Variants in HIVEP3 observed in about 807,000 individuals in gnomAD.
HIVEP3 encodes transcription factor HIVEP3.
In HIVEP3, 49 loss-of-function variants were observed where a neutral mutation model predicts 152.8. That is an observed-to-expected ratio of 0.32 (90% CI 0.26 to 0.41). HIVEP3 has a LOEUF of 0.41. HIVEP3 is among the 10% of genes least tolerant of loss of function. HIVEP3 has a pLI of 1.00. For synonymous variants in HIVEP3, 1,269 were observed against 1,289.0 expected (o/e 0.98, Z 0.33); for missense variants, 2,790 against 3,103.3 (o/e 0.90, Z 2.40).
chr1:41,513,025 A>G lies in HIVEP3; in HGVS notation c.6196T>C (p.Tyr2066His), dbSNP rs1185061625. 2 of 1,613,574 alleles carry G rather than the reference A, an allele frequency of 1.2e-6. No homozygotes were observed. The highest frequency in any genetic ancestry group is 1.7e-6 in the Non-Finnish European group (2 of 1,179,746). Reference protein sequence around the residue: ...EGTTDPGLPRYSPTRRWSPGQ... With the variant: ...EGTTDPGLPRHSPTRRWSPGQ... Reference sequence around the variant, plus strand: ...GGAGACCATCTCCTGGTGGGCGAGTATCTGGGGAGGCCTGGGTCGGTGGTA... The same window carrying G: ...GGAGACCATCTCCTGGTGGGCGAGTGTCTGGGGAGGCCTGGGTCGGTGGTA... Residue 2066 changes from tyrosine (Y) to histidine (H), a missense_variant, in exon 8 of 9, where the codon TAC becomes CAC. This residue lies in a region of HIVEP3 where 816 missense variants were observed against 806.5 expected (regional missense o/e 1.01). Transcript: ENST00000372583.
At chr1:41,875,499 G>A (rs1174028498) in intron 1 of HIVEP3, among the ~76,000 whole-genome samples, 1 of 152,238 alleles carries the variant, frequency 6.6e-6, no homozygotes, top group African/African-American at 2.4e-5. Flanking sequence ...ACCATGTCAT[G>A]CCCTGGCTTA....
Position 42,023,955 on chromosome 1 carries a change from G to A in HIVEP3, n.119+11852C>T, listed in dbSNP as rs143864018. ...ACCCTTTATCTGTAGTGTCTCCTTC[G>A]TAATAAATCCAGAGTCTGTAAATGT... On this transcript the variant is annotated intron_variant and non_coding_transcript_variant, in intron 1 of 3. Transcript: ENST00000489103. Among the ~76,000 whole-genome samples, 10 of 152,224 alleles carry A rather than the reference G, an allele frequency of 6.6e-5. No homozygotes were observed. In the East Asian group the frequency reaches 9.7e-4, roughly 15 times the overall value.
intron 1 of HIVEP3, among the ~76,000 whole-genome samples, chr1:41,808,564 C>A (rs1016909173): frequency 4.6e-5 from 7 of 152,214 alleles, no homozygotes; most frequent in Admixed American, 4.6e-4. Flanking sequence ...CTTTCTATTC[C>A]AGGCGGCCAG....
chr1:41,540,700 G>C (rs936118873), intron 5 of HIVEP3, among the ~76,000 whole-genome samples: 1 of 152,170 alleles, frequency 6.6e-6, no homozygotes, highest in Non-Finnish European at 1.5e-5. Flanking sequence ...CTGGGAGGTA[G>C]CTCAGCCAAA....
intron 3 of HIVEP3, among the ~76,000 whole-genome samples, chr1:41,596,977 C>G (rs949213147): frequency 6.6e-6 from 1 of 152,142 alleles, no homozygotes; most frequent in Non-Finnish European, 1.5e-5. Flanking sequence ...TTGTTAACTG[C>G]TTTTTCCCTC....
At chr1:41,940,328 A>C (rs1178635700) in intron 1 of HIVEP3, among the ~76,000 whole-genome samples, 2 of 152,240 alleles carry the variant, frequency 1.3e-5, no homozygotes, top group African/African-American at 2.4e-5. Flanking sequence ...TTAGTTAACC[A>C]AAAACCCCAA....
At chr1:41,598,825 A>ATTTATTTATTTATTTATTTAT (rs759358685) in intron 3 of HIVEP3, among the ~76,000 whole-genome samples, 3,384 of 151,400 alleles carry the variant, frequency 0.022, 67 homozygotes, top group South Asian at 0.041. Context: ...TTATTTATTT[A>ATTTATTTATTTATTTATTTAT]TTTATTTAGG....
chr1:42,017,433 A>G (rs868541266), intron 1 of HIVEP3, among the ~76,000 whole-genome samples: 4 of 152,022 alleles, frequency 2.6e-5, no homozygotes, highest in Non-Finnish European at 4.4e-5. Flanking sequence ...ACCAAATATG[A>G]CTCACACCCT....
intron 1 of HIVEP3, among the ~76,000 whole-genome samples, chr1:42,034,402 G>A (rs1645629462): frequency 6.6e-6 from 1 of 152,136 alleles, no homozygotes; most frequent in African/African-American, 2.4e-5. Flanking sequence ...CAAAACTACT[G>A]GTGTTGCAGA....
chr1:41,960,002 C>T (rs934645767), intron 1 of HIVEP3, among the ~76,000 whole-genome samples: 7 of 152,114 alleles, frequency 4.6e-5, no homozygotes, highest in South Asian at 2.1e-4. Flanking sequence ...ATACATATGA[C>T]GGGTGACCCA....
intron 1 of HIVEP3, among the ~76,000 whole-genome samples, chr1:41,910,539 A>C (rs1644779597): frequency 6.6e-6 from 1 of 152,010 alleles, no homozygotes; most frequent in Admixed American, 6.5e-5. Flanking sequence ...AAACCCTGCC[A>C]AGGATAAGAT....
In HIVEP3 at chr1:41,734,217, C is replaced by T. The variant is rs1049151901; in HGVS notation, c.-800-33222G>A. ...ACTGAGTGGATGGTGCCTTTGGCTT[C>T]AGAGCCCCCTGCATCTGAATTGAGT... On this transcript the variant is annotated intron_variant, in intron 1 of 8. Transcript: ENST00000372583. Among the ~76,000 whole-genome samples, 6 of 152,336 alleles carry T rather than the reference C, an allele frequency of 3.9e-5. No homozygotes were observed. In the South Asian group the frequency reaches 8.3e-4, roughly 21 times the overall value.
In HIVEP3 at chr1:41,510,178, ACCAT is replaced by A. The variant is rs1285690596; in HGVS notation, c.*269_*272del. On this transcript the variant is annotated 3_prime_UTR_variant, in exon 9 of 9. Coordinates refer to ENST00000372583, the MANE Select transcript of HIVEP3 (RefSeq NM_024503.5). The stretch of plus-strand genomic sequence containing the variant: ...GCTTCACCATCAGCCTTTCCCCAAA[ACCAT>A]AAACTATTCACAGCCTCAGACTCCT... 6.5e-6 allele frequency: 2 copies of A among 308,516 alleles called. No individual in the cohort carries two copies. Among genetic ancestry groups the A allele is most frequent in the Non-Finnish European group, 1.2e-5 (2 of 170,736 alleles). The allele number at this position is 308,516 out of a possible 1,614,324, so 19.1% of individuals were successfully genotyped here.
rs754123955 is a variant in HIVEP3, at chr1:41,512,970, G to A, written c.6251C>T (p.Ala2084Val). The A allele has an allele frequency of 2.5e-5, 41 of 1,611,984 alleles. No homozygotes were observed. Among genetic ancestry groups the A allele is most frequent in the Non-Finnish European group, 3.2e-5 (38 of 1,179,280 alleles). ...PGQAESPPRS[A>V]PPGKWALAGP... is the part of the protein sequence containing the mutation. ...AGCCAAGGCCCACTTCCCTGGCGGC[G>A]CTGACCGTGGTGGTGACTCGGCCTG... Residue 2084 changes from alanine to valine, a missense_variant, in exon 8 of 9, where the codon GCG (alanine) becomes GTG (valine). Physicochemically the swap from Ala to Val is moderately conservative, Grantham distance 64. Around this residue, in one of 9 missense-constraint regions of HIVEP3, gnomAD observed 816 missense variants for 806.5 expected, o/e 1.01. Coordinates refer to ENST00000372583, the MANE Select transcript of HIVEP3 (RefSeq NM_024503.5).
At chr1:41,779,972 A>T (rs1021574550) in intron 1 of HIVEP3, among the ~76,000 whole-genome samples, 3 of 152,156 alleles carry the variant, frequency 2.0e-5, no homozygotes, top group Admixed American at 6.6e-5. Flanking sequence ...CCACAAGGAG[A>T]TCATGATCTG....
chr1:41,751,110 C>T (rs140823705), intron 1 of HIVEP3, among the ~76,000 whole-genome samples: 2 of 152,226 alleles, frequency 1.3e-5, no homozygotes, highest in African/African-American at 4.8e-5. Context: ...ATGCAATGAC[C>T]GGCCAAGTCC....
At chr1:41,908,931 C>T (rs1038204232) in intron 1 of HIVEP3, among the ~76,000 whole-genome samples, 9 of 152,128 alleles carry the variant, frequency 5.9e-5, no homozygotes, top group Admixed American at 2.0e-4. Flanking sequence ...TCCAGGAACT[C>T]CAATGAATAC....
At chr1:41,893,165 C>T (rs975143266) in intron 1 of HIVEP3, among the ~76,000 whole-genome samples, 2 of 151,270 alleles carry the variant, frequency 1.3e-5, no homozygotes, top group Non-Finnish European at 2.9e-5. Context: ...AAACCCACAG[C>T]TGAGAAGCCT....
At chr1:41,954,093 G>A (rs989727828) in intron 1 of HIVEP3, among the ~76,000 whole-genome samples, 8 of 152,278 alleles carry the variant, frequency 5.3e-5, no homozygotes, top group Admixed American at 1.3e-4. Context: ...GGGCCCACCC[G>A]CAAGGTTCCA....
Sources: allele counts gnomAD v4.1 joint callset (sites outside exome capture counted in the v4.1 genomes callset), GRCh38; gene constraint gnomAD v4.1.1; regional missense constraint gnomAD v4.1.1; transcripts MANE v1.5; gene names NCBI Gene and HGNC (gene_info 2026-07-23, HGNC 2026-07-21).